IGHMBP2: variants seen among roughly 807,000 people sequenced by gnomAD.
The protein encoded by IGHMBP2 is DNA-binding protein SMUBP-2.
Under a neutral mutation model 96.0 loss-of-function variants are expected in IGHMBP2, and 81 were observed. The ratio of observed to expected loss-of-function variants is 0.84; its 90% CI spans 0.71 to 1.01. The LOEUF (loss-of-function observed/expected upper bound fraction) is 1.01. Among genes scored for constraint, IGHMBP2 ranks in the 50% least tolerant of loss-of-function variants. The pLI is 0.00. For synonymous variants in IGHMBP2, 557 were observed against 548.9 expected, an observed-to-expected ratio of 1.01 and a Z score of -0.21; for missense variants, 1,227 against 1,306.3, an observed-to-expected ratio of 0.94 and a Z score of 0.94.
rs1417992860 is a variant in IGHMBP2 at position 68,937,062 on chromosome 11, T to G, written c.2582T>G (p.Leu861Arg). The G allele has an allele frequency of 6.2e-7, 1 of 1,602,326 alleles. No homozygotes were observed. The highest frequency in any genetic ancestry group is 1.3e-5 in the African/African-American group (1 of 74,850). ...CAGCAGGCCTCAGGGCAGCAGAAAC[T>G]TCCAGAAAAGAAAAAGAAAAAAGCC... Reference protein sequence around the residue: ...KEQQASGQQKLPEKKKKKAKG... With the variant: ...KEQQASGQQKRPEKKKKKAKG... Residue 861 changes from leucine (L) to arginine (R), a missense_variant, in exon 13 of 15, where the codon CTT becomes CGT. Leu to Arg is a moderately radical substitution (Grantham distance 102). Transcript: ENST00000255078.
At chr11:68,930,343 T>C (rs1246646478) in intron 8 of IGHMBP2, 6 of 1,289,682 alleles carry the variant, frequency 4.7e-6, no homozygotes, top group Non-Finnish European at 5.1e-6. Context: ...CTCGGAACTT[T>C]CGTTGTTTTC....
chr11:68,931,618 C>G (rs1859303757), intron 8 of IGHMBP2, among the ~76,000 whole-genome samples: 1 of 152,132 alleles, frequency 6.6e-6, no homozygotes, highest in Non-Finnish European at 1.5e-5. Context: ...GCGGGGCTCC[C>G]ACTGGCTTCA....
At chr11:68,923,141 T>C (rs188663223) in intron 7 of IGHMBP2, among the ~76,000 whole-genome samples, 2 of 152,308 alleles carry the variant, frequency 1.3e-5, no homozygotes, top group Admixed American at 1.3e-4. Context: ...ACATTGAGGA[T>C]TTTACGTTGT....
rs1350592778 is a variant in IGHMBP2 at position 68,936,416 on chromosome 11, A to G, written c.1936A>G (p.Ile646Val). 2 of 1,614,076 alleles carry G rather than the reference A, an allele frequency of 1.2e-6. No individual in the cohort carries two copies. The highest frequency in any genetic ancestry group is 4.5e-5 in the East Asian group (2 of 44,868). Residue 646 changes from isoleucine to valine, a missense_variant, in exon 13 of 15, where the codon ATT becomes GTT. Physicochemically the swap from Ile to Val is conservative, Grantham distance 29 (BLOSUM62 3). Coordinates refer to ENST00000255078, the MANE Select transcript of IGHMBP2 (RefSeq NM_002180.3). ...CACGGCCTTTGAGTATCTTGACGAT[A>G]TTGTCCCAGAAAACTATTCCCATGA... ...VRTAFEYLDD[I>V]VPENYSHENS...
At position 68,912,165 on chromosome 11, in the gene IGHMBP2, C is replaced by T. The variant is rs190353897; in HGVS notation, c.711+562C>T. ...TTGGAGACGGAGCCTCACTCTGTCA[C>T]CCAGGCTAGAGTCTGGAGTGCAGGG... On this transcript the variant is annotated intron_variant, in intron 5 of 14. Transcript: ENST00000255078. 9.8e-5 allele frequency among the ~76,000 whole-genome samples: 15 copies of T among 152,286 alleles called. No homozygotes were observed. In the East Asian group the frequency reaches 2.9e-3, roughly 29 times the overall value.
At chr11:68,909,987 T>G (rs2154006848) in intron 4 of IGHMBP2, among the ~76,000 whole-genome samples, 1 of 152,318 alleles carries the variant, frequency 6.6e-6, no homozygotes, top group African/African-American at 2.4e-5. Flanking sequence ...TGGGAGGAGT[T>G]TGTTGTCTCA....
Position 68,935,432 on chromosome 11 carries a change from C to T in IGHMBP2, c.1756+10C>T. 2 of 1,613,880 alleles carry T rather than the reference C, an allele frequency of 1.2e-6. No individual in the cohort carries two copies. Among genetic ancestry groups the T allele is most frequent in the Non-Finnish European group, 1.7e-6 (2 of 1,180,006 alleles). ...AGATCCAACAGGAAAGGTACGGAGCCCTCGCCAGAGTCCTTTGGGGACAGC... is the reference window on the plus strand; with the variant it reads ...AGATCCAACAGGAAAGGTACGGAGCTCTCGCCAGAGTCCTTTGGGGACAGC... On this transcript the variant is annotated intron_variant, in intron 12 of 14. Transcript: ENST00000255078.
Position 68,935,396 on chromosome 11 carries a change from T to G in IGHMBP2, c.1730T>G (p.Leu577Arg), listed in dbSNP as rs1483165002. 1.2e-6 allele frequency: 2 copies of G among 1,614,016 alleles called. No homozygotes were observed. The highest frequency in any genetic ancestry group is 4.5e-5 in the East Asian group (2 of 44,900). ...GGCCGAGAGAAGGAGGCCGTGATAC[T>G]GTCCTTCGTCAGATCCAACAGGAAA... is the stretch of plus-strand genomic sequence containing the variant. ...FQGREKEAVI[L>R]SFVRSNRKGE... The change falls in exon 12 of 15, where the codon CTG becomes CGG. Residue 577 changes from leucine (L) to arginine (R), a missense_variant. Leu to Arg is a moderately radical substitution (Grantham distance 102, BLOSUM62 -2). Around this residue, in one of 3 missense-constraint regions of IGHMBP2, gnomAD observed 703 missense variants for 770.3 expected, o/e 0.91. Transcript: ENST00000255078.
intron 12 of IGHMBP2, 125 bp from the exon 13 acceptor site, chr11:68,936,112 C>T (rs1859516648): frequency 5.4e-6 from 6 of 1,105,158 alleles, no homozygotes; most frequent in African/African-American, 1.5e-5. Context: ...GCCGGGCACC[C>T]GTGTGGATGG....
chr11:68,934,296 A>G (rs1309400875), intron 10 of IGHMBP2, 168 bp from the exon 11 acceptor site: 1 of 688,116 alleles, frequency 1.5e-6, no homozygotes, highest in South Asian at 1.5e-5. Flanking sequence ...TTAGCTGGGC[A>G]TGGCTGGTCC....
chr11:68,939,458 C>G, intron 14 of IGHMBP2, 76 bp from the exon 15 acceptor site: 2 of 1,527,666 alleles, frequency 1.3e-6, no homozygotes, highest in Non-Finnish European at 9.0e-7. Flanking sequence ...GGCCCCCCAG[C>G]TCTTTGATAG....
chr11:68,938,179 C>A lies in IGHMBP2; in HGVS notation c.2612-3C>A. The A allele has an allele frequency of 6.2e-7, 1 of 1,614,020 alleles. No homozygotes were observed. Among genetic ancestry groups the A allele is most frequent in the Non-Finnish European group, 8.5e-7 (1 of 1,180,002 alleles). On this transcript the variant is annotated splice_polypyrimidine_tract_variant and splice_region_variant and intron_variant, in intron 13 of 14. Transcript: ENST00000255078. The stretch of plus-strand genomic sequence containing the variant: ...TTGCCTGAGTGACGCGGGTCTTCTC[C>A]AGGACATCCGGCCACAGATCTGCCC...
Position 68,933,776 on chromosome 11 carries a change from C to A in IGHMBP2, c.1419-19C>A. ...GCACTGTGGCCCCCTGATGTGCTCC[C>A]TCTCTGCCTGTGTGCCAGGGACCTC... is the stretch of plus-strand genomic sequence containing the variant. On this transcript the variant is annotated intron_variant, in intron 9 of 14. Transcript: ENST00000255078. 1 of 1,591,618 alleles carries A rather than the reference C, an allele frequency of 6.3e-7. No individual in the cohort carries two copies. Among genetic ancestry groups the A allele is most frequent in the South Asian group, 1.1e-5 (1 of 90,190 alleles).
chr11:68,939,670 A>G lies in IGHMBP2; in HGVS notation c.2921A>G (p.Asp974Gly). Residue 974 changes from aspartate (D) to glycine (G), a missense_variant, in exon 15 of 15, where the codon GAT becomes GGT. This residue lies in a region of IGHMBP2 where 703 missense variants were observed against 770.3 expected (regional missense o/e 0.91). Coordinates refer to ENST00000255078, the MANE Select transcript of IGHMBP2 (RefSeq NM_002180.3). ...AKRAQLQRRLDKKLSELSNQR... is the reference protein window; with the variant it reads ...AKRAQLQRRLGKKLSELSNQR... ...AGGGCCCAGCTGCAGAGGAGGCTGG[A>G]TAAGAAGCTGAGTGAGCTCAGCAAC... The G allele has an allele frequency of 6.2e-7, 1 of 1,613,068 alleles. No homozygotes were observed. The highest frequency in any genetic ancestry group is 8.5e-7 in the Non-Finnish European group (1 of 1,179,816).
At chr11:68,924,860 C>G (rs1859004407) in intron 7 of IGHMBP2, among the ~76,000 whole-genome samples, 1 of 152,202 alleles carries the variant, frequency 6.6e-6, no homozygotes, top group African/African-American at 2.4e-5. Flanking sequence ...GCAAGTTTGT[C>G]TAACTAAAGG....
intron 13 of IGHMBP2, 98 bp from the exon 14 acceptor site, chr11:68,938,084 G>A (rs1271124584): frequency 2.2e-6 from 3 of 1,353,190 alleles, no homozygotes; most frequent in Non-Finnish European, 3.2e-6. Flanking sequence ...GATTACAGGT[G>A]TGAGCCACCG....
At chr11:68,930,148 GGGCCT>G in intron 8 of IGHMBP2, 1 of 1,201,572 alleles carries the variant, frequency 8.3e-7, no homozygotes, top group Non-Finnish European at 1.1e-6. Flanking sequence ...CCTGTGAACA[GGGCCT>G]GGCACGTGGG....
chr11:68,916,139 A>G (rs1858659403), intron 6 of IGHMBP2, among the ~76,000 whole-genome samples: 1 of 151,682 alleles, frequency 6.6e-6, no homozygotes, highest in Non-Finnish European at 1.5e-5. Context: ...ACTCCACTGC[A>G]CTCCAGCCTC....
intron 13 of IGHMBP2, 167 bp from the exon 14 acceptor site, chr11:68,938,015 G>T: frequency 1.4e-6 from 1 of 720,994 alleles, no homozygotes; most frequent in South Asian, 1.5e-5. Context: ...TGTTGCCCAG[G>T]CTAGTTTTGA....
Sources: gnomAD v4.1 joint callset for allele counts (sites outside exome capture counted in the v4.1 genomes callset) on GRCh38, gnomAD v4.1.1 for gene constraint, gnomAD v4.1.1 regional missense constraint, MANE v1.5 for transcripts, NCBI Gene and HGNC (gene_info 2026-07-23, HGNC 2026-07-21) for gene names.